The following ATP6V0A4 variants were observed in gnomAD, a reference collection of about 807,000 sequenced individuals.
ATP6V0A4 encodes ATPase H+ transporting V0 subunit a4.
ATP6V0A4 carries 86 observed loss-of-function variants against 107.3 expected under a neutral mutation model. That is an observed-to-expected ratio of 0.80 (90% confidence interval 0.67 to 0.96). The LOEUF (loss-of-function observed/expected upper bound fraction) is 0.96, where lower values mean the gene tolerates loss of function less well. Ranked by LOEUF, ATP6V0A4 falls within the 40% of genes least tolerant of loss-of-function variation. The pLI is 0.00. For missense variants in ATP6V0A4, 908 were observed against 1,045.6 expected (o/e 0.87, Z 1.81); for synonymous variants, 353 against 381.4 (o/e 0.93, Z 0.87).
intron 2 of ATP6V0A4, among the ~76,000 whole-genome samples, chr7:138,784,443 C>T (rs897478568): frequency 2.3e-4 from 34 of 150,776 alleles, no homozygotes; most frequent in African/African-American, 7.3e-4. Context: ...CTCAGCCTCC[C>T]GAGTAGCTGG....
chr7:138,763,019 G>A lies in ATP6V0A4; in HGVS notation c.298C>T (p.Leu100=), dbSNP rs748523730. Residue 100 remains leucine, a synonymous_variant, in exon 6 of 22, where the codon CTA becomes TTA. Coordinates refer to ENST00000310018, the MANE Select transcript of ATP6V0A4 (RefSeq NM_020632.3). The part of the protein sequence containing the change: ...PREMITLETV[L]EKLEGELQEA... ...TGTAACTCTCCTTCCAGTTTTTCTAGAACAGTCTATGCAGGAAGGAAAAAG... is the reference window on the plus strand; with the variant it reads ...TGTAACTCTCCTTCCAGTTTTTCTAAAACAGTCTATGCAGGAAGGAAAAAG... 2 of 1,613,964 alleles carry A rather than the reference G, an allele frequency of 1.2e-6. No homozygotes were observed. Among genetic ancestry groups the A allele is most frequent in the South Asian group, 2.2e-5 (2 of 91,080 alleles).
At chr7:138,742,299 C>T (rs564154765) in intron 14 of ATP6V0A4, among the ~76,000 whole-genome samples, 192 of 152,162 alleles carry the variant, frequency 1.3e-3, no homozygotes, top group African/African-American at 4.4e-3. Flanking sequence ...TAGTGGCACA[C>T]GCCTGTAATC....
intron 11 of ATP6V0A4, among the ~76,000 whole-genome samples, chr7:138,751,857 G>C (rs1806243584): frequency 1.3e-5 from 2 of 152,124 alleles, no homozygotes; most frequent in East Asian, 3.9e-4. Context: ...GCAGAGTGGA[G>C]CTGGGCATGG....
intron 17 of ATP6V0A4, among the ~76,000 whole-genome samples, chr7:138,729,897 T>C (rs11773265): frequency 0.5 from 75,798 of 152,012 alleles, 19,318 homozygotes; most frequent in East Asian, 0.76. Context: ...TCAACTTTTT[T>C]TTTTGAGATG....
chr7:138,788,746 C>T (rs1010511038), intron 1 of ATP6V0A4, among the ~76,000 whole-genome samples: 1 of 152,148 alleles, frequency 6.6e-6, no homozygotes, highest in Non-Finnish European at 1.5e-5. Context: ...CTGTGCTGTT[C>T]TCATGATAGG....
intron 1 of ATP6V0A4, among the ~76,000 whole-genome samples, chr7:138,788,360 T>C (rs985533316): frequency 1.2e-4 from 19 of 152,204 alleles, no homozygotes; most frequent in African/African-American, 4.3e-4. Context: ...TTGCCAATCA[T>C]AGAGTTGAGA....
At chr7:138,712,637 G>A (rs775940578) in intron 20 of ATP6V0A4, among the ~76,000 whole-genome samples, 2 of 152,134 alleles carry the variant, frequency 1.3e-5, no homozygotes, top group Non-Finnish European at 2.9e-5. Flanking sequence ...TTAAGCAACT[G>A]TGTTAGTATG....
At chr7:138,746,270 G>A (rs1183555220) in intron 13 of ATP6V0A4, among the ~76,000 whole-genome samples, 1 of 151,410 alleles carries the variant, frequency 6.6e-6, no homozygotes, top group African/African-American at 2.4e-5. Flanking sequence ...TTGATTCCCT[G>A]TCTGACTATG....
intron 19 of ATP6V0A4, among the ~76,000 whole-genome samples, chr7:138,719,044 G>A (rs1307735903): frequency 1.3e-5 from 2 of 152,044 alleles, no homozygotes; most frequent in Admixed American, 6.6e-5. Flanking sequence ...AAATTAGGCA[G>A]GTGTGGTGGC....
intron 17 of ATP6V0A4, among the ~76,000 whole-genome samples, chr7:138,730,518 C>T (rs1262683614): frequency 6.6e-6 from 1 of 152,168 alleles, no homozygotes; most frequent in Admixed American, 6.5e-5. Flanking sequence ...GACAATTAAT[C>T]TTCACACTAG....
At chr7:138,779,478 T>A (rs964438203) in intron 2 of ATP6V0A4, among the ~76,000 whole-genome samples, 1 of 152,190 alleles carries the variant, frequency 6.6e-6, no homozygotes, top group Admixed American at 6.5e-5. Flanking sequence ...CACAGGTACA[T>A]CCAGAAACAA....
At chr7:138,712,945 G>A (rs1387606640) in intron 20 of ATP6V0A4, among the ~76,000 whole-genome samples, 1 of 152,086 alleles carries the variant, frequency 6.6e-6, no homozygotes. Context: ...GGAACAAGTA[G>A]GTGACAGTCC....
rs1803446046 is a variant in ATP6V0A4, at chr7:138,707,196, T to TATTATATAA, written c.2430-480_2430-479insTTATATAAT. The stretch of plus-strand genomic sequence containing the variant: ...TATATTATATAATATATTATATATA[T>TATTATATAA]TATATAATATATTATATTATATAGA... On this transcript the variant is annotated intron_variant, in intron 21 of 21. Transcript: ENST00000310018. Among the ~76,000 whole-genome samples the TATTATATAA allele has an allele frequency of 5.0e-5, 3 of 59,666 alleles. 1 individual carries two copies. Among genetic ancestry groups the TATTATATAA allele is most frequent in the African/African-American group, 1.7e-4 (2 of 11,610 alleles). The allele number at this position is 59,666 out of a possible 152,430, so 39.1% of individuals were successfully genotyped here.
In ATP6V0A4 at chr7:138,743,989, T is replaced by C. The variant is rs557427546; in HGVS notation, c.1478+1134A>G. 2.3e-3 allele frequency among the ~76,000 whole-genome samples: 347 copies of C among 152,150 alleles called. 3 individuals carry two copies. Among genetic ancestry groups the C allele is most frequent in the African/African-American group, 8.1e-3 (337 of 41,496 alleles). On this transcript the variant is annotated intron_variant, in intron 14 of 21. Coordinates refer to ENST00000310018, the MANE Select transcript of ATP6V0A4 (RefSeq NM_020632.3). Reference sequence around the variant, plus strand: ...CCTACCTCTCAAACTCTAAAATCTTTCTCCCCATAAAAGTCTCCATTCCTA... The same window carrying C: ...CCTACCTCTCAAACTCTAAAATCTTCCTCCCCATAAAAGTCTCCATTCCTA...
chr7:138,739,260 G>C (rs1042968377), intron 15 of ATP6V0A4, among the ~76,000 whole-genome samples: 2 of 152,166 alleles, frequency 1.3e-5, no homozygotes. Flanking sequence ...AGGCAACCAA[G>C]TGCCTTTTAA....
At chr7:138,730,323 G>C (rs77120657) in intron 17 of ATP6V0A4, among the ~76,000 whole-genome samples, 1 of 148,274 alleles carries the variant, frequency 6.7e-6, no homozygotes, top group Non-Finnish European at 1.5e-5. Context: ...CCCCGATGAC[G>C]TACAAAGCAA....
At chr7:138,738,044 G>A (rs1455005242) in intron 15 of ATP6V0A4, among the ~76,000 whole-genome samples, 1 of 151,942 alleles carries the variant, frequency 6.6e-6, no homozygotes, top group African/African-American at 2.4e-5. Context: ...TTACAGGCAT[G>A]AGCCACCACA....
chr7:138,771,330 A>AATTT, intron 2 of ATP6V0A4, 66 bp from the exon 3 acceptor site: 1 of 1,548,790 alleles, frequency 6.5e-7, no homozygotes, highest in Non-Finnish European at 8.8e-7. Context: ...CTTAGGGTGA[A>AATTT]ATTTTTAAGT....
chr7:138,725,975 A>G (rs926062071), intron 18 of ATP6V0A4, among the ~76,000 whole-genome samples: 2 of 142,614 alleles, frequency 1.4e-5, no homozygotes, highest in African/African-American at 5.3e-5. Flanking sequence ...CACATGTTGA[A>G]ATGAAGTTTA....
Sources: gnomAD v4.1 joint callset for allele counts (sites outside exome capture counted in the v4.1 genomes callset) on GRCh38, gnomAD v4.1.1 for gene constraint, MANE v1.5 for transcripts, NCBI Gene and HGNC (gene_info 2026-07-23, HGNC 2026-07-21) for gene names.